RNF11: variants seen among roughly 807,000 people sequenced by gnomAD.
The protein encoded by RNF11 is ring finger protein 11.
Under a neutral mutation model 15.8 loss-of-function variants are expected in RNF11, and 4 were observed. The observed-to-expected ratio is 0.25, with a 90% CI of 0.12 to 0.58. The LOEUF is 0.58. Ranked by LOEUF, RNF11 falls within the 20% of genes least tolerant of loss-of-function variation. RNF11 has a pLI of 0.91. For missense variants in RNF11, 139 were observed against 194.4 expected (o/e 0.71, Z 1.70); for synonymous variants, 68 against 72.3 (o/e 0.94, Z 0.30).
intron 1 of RNF11, among the ~76,000 whole-genome samples, chr1:51,242,902 TATTATACA>T (rs1399032883): frequency 6.6e-6 from 1 of 152,228 alleles, no homozygotes; most frequent in Admixed American, 6.5e-5. Context: ...ATCTAGGCCT[TATTATACA>T]ATTATTCAGC....
chr1:51,250,704 G>A, intron 1 of RNF11: 1 of 1,211,840 alleles, frequency 8.3e-7, no homozygotes, highest in Non-Finnish European at 1.2e-6. Flanking sequence ...GGTAAATACA[G>A]TCTCCTTCCA....
intron 1 of RNF11, among the ~76,000 whole-genome samples, chr1:51,261,354 T>C (rs61780356): frequency 9.7e-4 from 146 of 149,834 alleles, no homozygotes; most frequent in African/African-American, 3.4e-3. Flanking sequence ...AAAAAAAAAG[T>C]GTTAAGAATC....
rs1280048917 is a variant in RNF11 at position 51,272,685 on chromosome 1, G to A, written c.*1363G>A. The A allele has an allele frequency of 2.0e-5, 3 of 152,046 alleles. No homozygotes were observed. The South Asian group carries it at 6.2e-4, about 31-fold the overall frequency. 9.4% of individuals were successfully genotyped at this position (152,046 alleles called of 1,614,324 possible). ...TTTATTTTTTCATATGTACTCAAAG[G>A]TGACTTATTGGTTCACCTCAGTGAT... On this transcript the variant is annotated 3_prime_UTR_variant, in exon 3 of 3. Transcript: ENST00000242719.
At chr1:51,251,015 G>C in intron 1 of RNF11, 1 of 1,455,124 alleles carries the variant, frequency 6.9e-7, no homozygotes. Context: ...TGGCCAGGAT[G>C]ATGGCCCCAT....
chr1:51,245,715 G>T (rs951400773), intron 1 of RNF11, among the ~76,000 whole-genome samples: 1 of 152,168 alleles, frequency 6.6e-6, no homozygotes, highest in Non-Finnish European at 1.5e-5. Context: ...CTACCAAAGT[G>T]CTGAGATTAC....
chr1:51,247,727 G>T (rs61780354), intron 1 of RNF11, among the ~76,000 whole-genome samples: 2 of 152,088 alleles, frequency 1.3e-5, no homozygotes, highest in Non-Finnish European at 2.9e-5. Context: ...CAATGAATGC[G>T]TGTGTCCCTA....
chr1:51,271,234 T>C lies in RNF11; in HGVS notation c.377T>C (p.Ile126Thr). ...PCMHIYHLDC[I>T]DDWLMRSFTC... ...ATGCACATCTATCACCTGGACTGTA[T>C]AGATGACTGGTTGATGAGATCCTTC... The change falls in exon 3 of 3, where the codon ATA becomes ACA. Residue 126 changes from isoleucine (I) to threonine (T), a missense_variant. Ile to Thr is a moderately conservative substitution (Grantham distance 89, BLOSUM62 -1). Transcript: ENST00000242719. 1.2e-6 allele frequency: 2 copies of C among 1,614,106 alleles called. No homozygotes were observed. The highest frequency in any genetic ancestry group is 1.7e-6 in the Non-Finnish European group (2 of 1,179,938).
At chr1:51,253,188 A>G (rs1406323781) in intron 1 of RNF11, among the ~76,000 whole-genome samples, 1 of 152,044 alleles carries the variant, frequency 6.6e-6, no homozygotes, top group East Asian at 1.9e-4. Context: ...TTTAAAGTAT[A>G]TTTTACTAAT....
At chr1:51,253,394 G>A (rs1236030609) in intron 1 of RNF11, among the ~76,000 whole-genome samples, 1 of 151,794 alleles carries the variant, frequency 6.6e-6, no homozygotes, top group Non-Finnish European at 1.5e-5. Flanking sequence ...GTGGTGGCAT[G>A]CACCTGTAGT....
chr1:51,255,259 A>G (rs746528977), intron 1 of RNF11, among the ~76,000 whole-genome samples: 2 of 152,010 alleles, frequency 1.3e-5, no homozygotes, highest in Non-Finnish European at 2.9e-5. Flanking sequence ...GTTACATTTA[A>G]TTTTTTATTT....
intron 1 of RNF11, among the ~76,000 whole-genome samples, chr1:51,255,782 A>G (rs765762444): frequency 2.0e-5 from 3 of 152,210 alleles, no homozygotes; most frequent in Non-Finnish European, 4.4e-5. Context: ...TCAGTTGTCT[A>G]TAAATATGAG....
At chr1:51,252,261 G>T (rs969493758) in intron 1 of RNF11, among the ~76,000 whole-genome samples, 5 of 152,136 alleles carry the variant, frequency 3.3e-5, no homozygotes, top group African/African-American at 7.2e-5. Flanking sequence ...TATCCATAAG[G>T]TTTCTTTGGT....
chr1:51,236,797 C>T lies in RNF11; in HGVS notation c.41C>T (p.Ser14Phe), dbSNP rs767740160. The change falls in exon 1 of 3, where the codon TCC becomes TTC. Residue 14 changes from serine (S) to phenylalanine (F), a missense_variant. Coordinates refer to ENST00000242719, the MANE Select transcript of RNF11 (RefSeq NM_014372.5). The part of the protein sequence containing the change: ...CLKSPTSDDI[S>F]LLHESQSDRA... ...AAATCCCCCACCTCGGATGACATCT[C>T]CCTGCTTCACGAGTCTCAGTCCGAC... The T allele has an allele frequency of 6.2e-7, 1 of 1,613,366 alleles. No homozygotes were observed. The highest frequency in any genetic ancestry group is 8.5e-7 in the Non-Finnish European group (1 of 1,179,674).
chr1:51,254,368 A>G (rs993984841), intron 1 of RNF11, among the ~76,000 whole-genome samples: 1 of 151,948 alleles, frequency 6.6e-6, no homozygotes, highest in Admixed American at 6.6e-5. Flanking sequence ...ACTTACTGCA[A>G]CCTCTGCCTC....
chr1:51,261,722 CTG>C (rs1646931489), intron 1 of RNF11, among the ~76,000 whole-genome samples: 1 of 149,888 alleles, frequency 6.7e-6, no homozygotes, highest in South Asian at 2.1e-4. Context: ...GAGTCTTGCT[CTG>C]TTGCCCAGGC....
At chr1:51,240,193 C>T (rs1017089072) in intron 1 of RNF11, among the ~76,000 whole-genome samples, 11 of 152,156 alleles carry the variant, frequency 7.2e-5, no homozygotes, top group African/African-American at 2.7e-4. Context: ...ATAATCTGTA[C>T]CCCTTGTTTC....
intron 1 of RNF11, 102 bp from the exon 2 acceptor site, chr1:51,269,854 A>G: frequency 3.2e-6 from 3 of 924,570 alleles, no homozygotes; most frequent in East Asian, 5.3e-5. Context: ...CCAGCTTCCT[A>G]CCCCTCCCAG....
rs777581613 is a variant in RNF11, at chr1:51,236,623, C to T, written c.-134C>T. ...GCGGCCCCTCGGCGGCACCGTGGGG[C>T]GGTGGAGTCGCCTCCGCCTGATCCC... On this transcript the variant is annotated 5_prime_UTR_variant, in exon 1 of 3. Transcript: ENST00000242719. 1.7e-6 allele frequency: 2 copies of T among 1,174,698 alleles called. No individual in the cohort carries two copies. The highest frequency in any genetic ancestry group is 4.3e-5 in the Admixed American group (2 of 46,404). 72.8% of individuals were successfully genotyped at this position (1,174,698 alleles called of 1,614,324 possible). A position where few individuals can be genotyped will look rare whatever the true frequency, so the allele number is the denominator to read the frequency against.
At chr1:51,253,642 C>T (rs1450909075) in intron 1 of RNF11, among the ~76,000 whole-genome samples, 1 of 151,866 alleles carries the variant, frequency 6.6e-6, no homozygotes, top group Non-Finnish European at 1.5e-5. Flanking sequence ...TCTGTACCCG[C>T]GTTCTAGAGA....
Sources: allele counts gnomAD v4.1 joint callset (sites outside exome capture counted in the v4.1 genomes callset), GRCh38; gene constraint gnomAD v4.1.1; transcripts MANE v1.5; gene names NCBI Gene and HGNC (gene_info 2026-07-23, HGNC 2026-07-21).